Variants in CPM observed in about 807,000 individuals in gnomAD.
The protein encoded by CPM is renal carboxypeptidase.
A neutral mutation model predicts 46.4 loss-of-function variants in CPM; 35 were observed. The ratio of observed to expected loss-of-function variants is 0.75; its 90% CI spans 0.58 to 1.00. CPM has a LOEUF of 1.00. CPM is among the 50% of genes least tolerant of loss of function. CPM has a pLI of 0.00. For missense variants in CPM, 422 were observed against 530.4 expected (o/e 0.80, Z 2.01); for synonymous variants, 195 against 195.3 (o/e 1.00, Z 0.01).
intron 3 of CPM, among the ~76,000 whole-genome samples, 198 bp downstream of exon 3, chr12:68,885,594 T>C (rs1269645038): frequency 6.6e-6 from 1 of 152,156 alleles, no homozygotes; most frequent in African/African-American, 2.4e-5. Context: ...TACACAACCA[T>C]ACAGCTGTGG....
At chr12:68,847,196 T>TTTTATATATATATATATATATATATA (rs1884365281), downstream of CPM, 2 of 92,080 alleles carry the variant, frequency 2.2e-5, no homozygotes, top group Admixed American at 2.0e-4. Flanking sequence ...TGTGTGTACA[T>TTTTATATATATATATATATATATATA]TATATATATA....
exon 1 of CPM, chr12:68,963,234 G>A (rs77152817): frequency 0.035 from 7,085 of 199,582 alleles, 210 homozygotes; most frequent in Non-Finnish European, 0.053. Context: ...GCAGAAGGAA[G>A]AAATGCTGCT....
intron 1 of CPM, among the ~76,000 whole-genome samples, chr12:68,952,549 A>C (rs1888952578): frequency 6.6e-6 from 1 of 152,190 alleles, no homozygotes; most frequent in South Asian, 2.1e-4. Flanking sequence ...TTCTAAGCAG[A>C]GGGCTCTGAG....
intron 1 of CPM, among the ~76,000 whole-genome samples, chr12:68,960,196 C>T (rs971465342): frequency 2.0e-5 from 3 of 152,122 alleles, no homozygotes; most frequent in African/African-American, 7.2e-5. Context: ...CATTCTTTGG[C>T]TCAGGATGGA....
chr12:68,903,802 GTCTCTCCTTCCC>G (rs1887216009), intron 2 of CPM, among the ~76,000 whole-genome samples: 1 of 151,988 alleles, frequency 6.6e-6, no homozygotes, highest in South Asian at 2.1e-4. Flanking sequence ...CCCTCCCTCT[GTCTCTCCTTCCC>G]TCTGTCCGTC....
intron 3 of CPM, among the ~76,000 whole-genome samples, chr12:68,880,471 C>T (rs530339653): frequency 2.6e-5 from 4 of 152,334 alleles, no homozygotes; most frequent in Admixed American, 1.3e-4. Context: ...TACTCTTTTA[C>T]ATAACAGCAA....
rs1347892748 is a variant in CPM, at chr12:68,856,362, G to A, written c.*75C>T. The stretch of plus-strand genomic sequence containing the variant: ...TCCAGTCAAGGTCCCACTAGAGTGA[G>A]TTAGGGTTGCAGTAACCTGGAGTGA... On this transcript the variant is annotated 3_prime_UTR_variant, in exon 9 of 9. Coordinates refer to ENST00000551568, the MANE Select transcript of CPM (RefSeq NM_198320.5). 6.6e-7 allele frequency: 1 copy of A among 1,513,642 alleles called. No homozygotes were observed. The highest frequency in any genetic ancestry group is 9.0e-7 in the Non-Finnish European group (1 of 1,114,978). 93.8% of individuals were successfully genotyped at this position (1,513,642 alleles called of 1,614,324 possible).
At chr12:68,903,723 G>A (rs975560110) in intron 2 of CPM, among the ~76,000 whole-genome samples, 1 of 152,206 alleles carries the variant, frequency 6.6e-6, no homozygotes, top group South Asian at 2.1e-4. Context: ...TCTCAAGAAA[G>A]AGTGGGCCAG....
intron 2 of CPM, among the ~76,000 whole-genome samples, chr12:68,928,083 G>T (rs900555463): frequency 3.3e-5 from 5 of 152,186 alleles, no homozygotes; most frequent in African/African-American, 9.7e-5. Context: ...AGCCAAAAGA[G>T]CAAAGCTGGA....
chr12:68,858,431 GA>G (rs1354259756), intron 8 of CPM, among the ~76,000 whole-genome samples: 1 of 152,018 alleles, frequency 6.6e-6, no homozygotes, highest in Admixed American at 6.6e-5. Context: ...TTGCATCGAT[GA>G]AAAAAGGGCT....
Position 68,853,702 on chromosome 12 carries a change from A to G in CPM, c.*2735T>C, listed in dbSNP as rs1002633578. On this transcript the variant is annotated 3_prime_UTR_variant, in exon 9 of 9. Transcript: ENST00000551568. ...AGAAATCAGCCTATATTACTGTCAC[A>G]CTGGGGATTAAGTAAAAAAAAGAGA... 6.6e-6 allele frequency: 1 copy of G among 151,160 alleles called. No homozygotes were observed. Among genetic ancestry groups the G allele is most frequent in the Non-Finnish European group, 1.5e-5 (1 of 67,732 alleles). The allele number at this position is 151,160 out of a possible 1,614,324, so 9.4% of individuals were successfully genotyped here.
chr12:68,871,498 C>G (rs2293637), intron 4 of CPM, among the ~76,000 whole-genome samples: 17,263 of 152,000 alleles, frequency 0.11, 2,057 homozygotes, highest in African/African-American at 0.29. Flanking sequence ...GCACCTGGTA[C>G]TTCCAGGAAG....
At chr12:68,846,816 GCCTAGTGA>G (rs1172834017), downstream of CPM, 1 of 151,860 alleles carries the variant, frequency 6.6e-6, no homozygotes, top group Non-Finnish European at 1.5e-5. Context: ...GTACTTACTC[GCCTAGTGA>G]CCTTAGAGAC....
At chr12:68,920,649 G>C (rs1180325270) in intron 2 of CPM, among the ~76,000 whole-genome samples, 3 of 151,582 alleles carry the variant, frequency 2.0e-5, no homozygotes, top group Non-Finnish European at 2.9e-5. Context: ...TAAAATGGAA[G>C]GGTTTCATAT....
At chr12:68,938,006 C>T (rs1016749566), upstream of CPM, among the ~76,000 whole-genome samples, 4 of 152,014 alleles carry the variant, frequency 2.6e-5, no homozygotes, top group Non-Finnish European at 4.4e-5. Context: ...AATGAAAAAG[C>T]CAGAGTGTTG....
chr12:68,889,116 T>G (rs1057437381), intron 2 of CPM, among the ~76,000 whole-genome samples: 1 of 152,208 alleles, frequency 6.6e-6, no homozygotes, highest in Non-Finnish European at 1.5e-5. Flanking sequence ...TTTAACAAGT[T>G]CCTTTGGTGA....
chr12:68,912,397 C>T (rs1270957981), intron 2 of CPM, among the ~76,000 whole-genome samples: 3 of 152,086 alleles, frequency 2.0e-5, no homozygotes, highest in East Asian at 1.9e-4. Context: ...AATTTCAATA[C>T]CTGATACCAC....
At chr12:68,905,681 A>G (rs1357716673) in intron 2 of CPM, among the ~76,000 whole-genome samples, 2 of 152,132 alleles carry the variant, frequency 1.3e-5, no homozygotes, top group Non-Finnish European at 2.9e-5. Flanking sequence ...TTTCTTGGTG[A>G]GTAGGTCTAC....
chr12:68,842,220 A>G, exon 6 of CPM: 1 of 499,116 alleles, frequency 2.0e-6, no homozygotes, highest in South Asian at 1.5e-5. Context: ...ACAAATGCCA[A>G]GCTATATTTA....
Sources: gnomAD v4.1 joint callset for allele counts (sites outside exome capture counted in the v4.1 genomes callset) on GRCh38, gnomAD v4.1.1 for gene constraint, MANE v1.5 for transcripts, NCBI Gene and HGNC (gene_info 2026-07-23, HGNC 2026-07-21) for gene names.